Variants in FBXL13 observed in about 807,000 individuals in gnomAD.
The protein encoded by FBXL13 is F-box and leucine rich repeat protein 13.
In FBXL13, 67 loss-of-function variants were observed where a neutral mutation model predicts 83.6. The ratio of observed to expected loss-of-function variants is 0.80; its 90% CI spans 0.66 to 0.98. The LOEUF is 0.98. FBXL13 is among the 50% of genes least tolerant of loss of function. FBXL13 has a pLI of 0.00. For synonymous variants in FBXL13, 272 were observed against 299.5 expected (o/e 0.91, Z 0.95); for missense variants, 822 against 866.5 (o/e 0.95, Z 0.64).
chr7:102,980,643 G>C (rs1051549578), intron 6 of FBXL13, among the ~76,000 whole-genome samples: 1 of 152,110 alleles, frequency 6.6e-6, no homozygotes, highest in Non-Finnish European at 1.5e-5. Context: ...CGGGTGTGGT[G>C]GTGGGCACCT....
chr7:103,026,262 C>T (rs1391094226), intron 5 of FBXL13, among the ~76,000 whole-genome samples: 1 of 151,900 alleles, frequency 6.6e-6, no homozygotes, highest in Non-Finnish European at 1.5e-5. Flanking sequence ...ACTCAGCCTC[C>T]CAAGTAGCTG....
intron 17 of FBXL13, among the ~76,000 whole-genome samples, chr7:102,837,859 A>G (rs1051509167): frequency 1.3e-5 from 2 of 152,148 alleles, no homozygotes; most frequent in Non-Finnish European, 1.5e-5. Context: ...CTCACTTTCT[A>G]CTTGTATTAT....
chr7:102,910,776 T>G (rs1185065016), intron 11 of FBXL13, among the ~76,000 whole-genome samples: 1 of 152,190 alleles, frequency 6.6e-6, no homozygotes, highest in African/African-American at 2.4e-5. Context: ...CTTAATTATT[T>G]GAGGCAAGGT....
intron 10 of FBXL13, among the ~76,000 whole-genome samples, chr7:102,919,186 C>G (rs1232425431): frequency 1.3e-5 from 2 of 152,194 alleles, no homozygotes; most frequent in Non-Finnish European, 2.9e-5. Flanking sequence ...TCAGTAAACA[C>G]TAGGAATTGG....
chr7:103,038,976 A>G (rs2129491315), intron 2 of FBXL13, among the ~76,000 whole-genome samples: 1 of 152,326 alleles, frequency 6.6e-6, no homozygotes, highest in South Asian at 2.1e-4. Context: ...TGAGTTTGAC[A>G]AGTTGACAGA....
chr7:103,038,020 G>C (rs562433034), intron 2 of FBXL13, among the ~76,000 whole-genome samples: 547 of 152,254 alleles, frequency 3.6e-3, no homozygotes, highest in Non-Finnish European at 5.0e-3. Flanking sequence ...GAAGTGCAAG[G>C]GGTCAGGGGA....
chr7:103,021,589 C>T (rs1288531922), intron 6 of FBXL13, among the ~76,000 whole-genome samples: 5 of 152,126 alleles, frequency 3.3e-5, no homozygotes, highest in Admixed American at 3.3e-4. Flanking sequence ...ACTGATCTGG[C>T]AAAGGGCTAA....
chr7:103,011,355 C>T (rs781533386), intron 6 of FBXL13, among the ~76,000 whole-genome samples: 2 of 152,148 alleles, frequency 1.3e-5, no homozygotes, highest in Non-Finnish European at 2.9e-5. Flanking sequence ...AAGAAACAGG[C>T]CAGGCGTGGT....
chr7:102,884,583 A>G (rs1263784077), intron 11 of FBXL13, among the ~76,000 whole-genome samples: 1 of 152,142 alleles, frequency 6.6e-6, no homozygotes, highest in Non-Finnish European at 1.5e-5. Flanking sequence ...AGGCTGAGAT[A>G]GGAGGATCAC....
intron 2 of FBXL13, among the ~76,000 whole-genome samples, chr7:103,039,971 C>A (rs1795492234): frequency 6.6e-6 from 1 of 151,784 alleles, no homozygotes; most frequent in South Asian, 2.1e-4. Context: ...TCAAACATAA[C>A]AATATTAACT....
chr7:102,878,505 T>C, intron 14 of FBXL13, 55 bp from the exon 16 acceptor site: 1 of 1,283,658 alleles, frequency 7.8e-7, no homozygotes, highest in East Asian at 2.6e-5. Flanking sequence ...ACATATAGAA[T>C]AGTATTAAAG....
At chr7:102,834,098 GAAAGAA>G (rs1562926091) in intron 17 of FBXL13, among the ~76,000 whole-genome samples, 8 of 93,914 alleles carry the variant, frequency 8.5e-5, no homozygotes, top group Non-Finnish European at 1.0e-4. Context: ...AAGAAAGAAA[GAAAGAA>G]AGAAAGAAAG....
At chr7:102,875,395 G>C (rs1809086198) in intron 16 of FBXL13, among the ~76,000 whole-genome samples, 1 of 152,084 alleles carries the variant, frequency 6.6e-6, no homozygotes, top group Non-Finnish European at 1.5e-5. Flanking sequence ...CAGGGGAAAA[G>C]AGGAGGGGAG....
rs573318574 is a variant in FBXL13, at chr7:103,022,164, G to A, written c.495+2899C>T. 6.6e-5 allele frequency among the ~76,000 whole-genome samples: 10 copies of A among 152,232 alleles called. No individual in the cohort carries two copies. In the South Asian group the frequency reaches 2.1e-3, roughly 32 times the overall value. On this transcript the variant is annotated intron_variant, in intron 6 of 19. Coordinates refer to ENST00000313221, the Ensembl canonical transcript of FBXL13. Reference sequence around the variant, plus strand: ...ACTATGCAGCCATAAAAAATGATGAGTTCATGTCCTTTGTAGGGACATGGA... The same window carrying A: ...ACTATGCAGCCATAAAAAATGATGAATTCATGTCCTTTGTAGGGACATGGA...
intron 1 of FBXL13, among the ~76,000 whole-genome samples, chr7:103,067,320 T>C (rs1310073709): frequency 3.3e-5 from 5 of 152,174 alleles, no homozygotes; most frequent in East Asian, 1.9e-4. Flanking sequence ...GTAAAGGAGA[T>C]AATCGTATTT....
chr7:103,015,420 G>T (rs995396445), intron 6 of FBXL13, among the ~76,000 whole-genome samples: 1 of 152,166 alleles, frequency 6.6e-6, no homozygotes, highest in African/African-American at 2.4e-5. Context: ...CAGACAATAT[G>T]ATTCTATACC....
intron 2 of FBXL13, among the ~76,000 whole-genome samples, chr7:103,047,618 ATAACT>A (rs1290612005): frequency 6.6e-6 from 1 of 152,248 alleles, no homozygotes; most frequent in Non-Finnish European, 1.5e-5. Context: ...GTGATATACA[ATAACT>A]TAACATAATA....
At chr7:102,854,718 AAAG>A (rs1183078953) in intron 17 of FBXL13, 56 bp downstream of exon 18, 2 of 1,115,000 alleles carry the variant, frequency 1.8e-6, no homozygotes, top group African/African-American at 1.6e-5. Context: ...ATTGGAAAAA[AAAG>A]AAAAAAAGAA....
chr7:103,061,471 A>G (rs1402907636), intron 1 of FBXL13, among the ~76,000 whole-genome samples: 1 of 152,208 alleles, frequency 6.6e-6, no homozygotes, highest in South Asian at 2.1e-4. Flanking sequence ...GAGGGAATTC[A>G]GCAAAGGTAA....
Sources: gnomAD v4.1 joint callset for allele counts (sites outside exome capture counted in the v4.1 genomes callset) on GRCh38, gnomAD v4.1.1 for gene constraint, MANE v1.5 for transcripts, NCBI Gene and HGNC (gene_info 2026-07-23, HGNC 2026-07-21) for gene names.